The following TMPRSS9 variants were observed in gnomAD, a reference collection of about 807,000 sequenced individuals.
TMPRSS9 encodes the protein transmembrane serine protease 9.
TMPRSS9 carries 113 observed loss-of-function variants against 111.4 expected under a neutral mutation model. The observed-to-expected ratio is 1.01, with a 90% CI of 0.87 to 1.19. The LOEUF is 1.19. TMPRSS9 is among the 50% of genes most tolerant of loss of function. The pLI is 0.00. For synonymous variants in TMPRSS9, 805 were observed against 659.1 expected (o/e 1.22, Z -3.39); for missense variants, 1,803 against 1,513.1 (o/e 1.19, Z -3.18).
At chr19:2,379,626 T>TC (rs1970367659) in intron 1 of TMPRSS9, among the ~76,000 whole-genome samples, 1 of 139,856 alleles carries the variant, frequency 7.2e-6, no homozygotes, top group African/African-American at 2.8e-5. Flanking sequence ...TCTTTCTTTC[T>TC]TTCTTTCTTT....
At chr19:2,422,574 CAAAAAA>C (rs1325693722) in intron 14 of TMPRSS9, among the ~76,000 whole-genome samples, 3 of 151,398 alleles carry the variant, frequency 2.0e-5, no homozygotes, top group Non-Finnish European at 4.4e-5. Context: ...AACTCCGTCT[CAAAAAA>C]GAAAAAGACA....
chr19:2,393,484 T>G (rs1390136499), intron 1 of TMPRSS9, among the ~76,000 whole-genome samples: 1 of 152,090 alleles, frequency 6.6e-6, no homozygotes, highest in Non-Finnish European at 1.5e-5. Context: ...CACACCATCT[T>G]TAAGAAATGT....
chr19:2,405,481 C>T (rs1199320968), exon 7 of TMPRSS9: 1 of 1,608,088 alleles, frequency 6.2e-7, no homozygotes, highest in Non-Finnish European at 8.5e-7. Flanking sequence ...GAACAAGGAG[C>T]ACTTCTGTGG....
chr19:2,417,863 A>T, intron 12 of TMPRSS9, 139 bp from the exon 14 acceptor site: 1 of 1,215,368 alleles, frequency 8.2e-7, no homozygotes, highest in Non-Finnish European at 1.2e-6. Context: ...TGGCTTTGTG[A>T]GATTCCTGCA....
chr19:2,415,015 G>A (rs1459800897), intron 10 of TMPRSS9, among the ~76,000 whole-genome samples: 5 of 139,662 alleles, frequency 3.6e-5, no homozygotes, highest in Non-Finnish European at 7.7e-5. Flanking sequence ...GTGTGATCTC[G>A]GCTCACTGCA....
chr19:2,421,598 A>C (rs1416077711), intron 13 of TMPRSS9, among the ~76,000 whole-genome samples: 3 of 151,964 alleles, frequency 2.0e-5, no homozygotes, highest in African/African-American at 7.3e-5. Flanking sequence ...TATTGTTATT[A>C]TTTTTAGAGT....
rs1390896980 is a variant in TMPRSS9, at chr19:2,368,793, TTTTTTTTTA to T, written c.-26+8434_-26+8442del. ...AACCCAGTTTTTTTTTTTTTTTTTT[TTTTTTTTTA>T]AAGACAGAGTCTCACTCTGTCGCCC... On this transcript the variant is annotated intron_variant, in intron 1 of 17. Transcript: ENST00000649857. Among the ~76,000 whole-genome samples, 106 of 120,328 alleles carry T rather than the reference TTTTTTTTTA, an allele frequency of 8.8e-4. 8 individuals are homozygous for T. Among genetic ancestry groups the T allele is most frequent in the Admixed American group, 4.8e-3 (58 of 12,072 alleles). 78.9% of individuals were successfully genotyped at this position (120,328 alleles called of 152,430 possible).
At position 2,425,736 on chromosome 19, in the gene TMPRSS9, C is replaced by G. The variant is rs539787147; in HGVS notation, c.3121-191C>G. 5 of 1,134,262 alleles carry G rather than the reference C, an allele frequency of 4.4e-6. No homozygotes were observed. The South Asian group carries it at 8.7e-5, about 20-fold the overall frequency. The allele number at this position is 1,134,262 out of a possible 1,614,324, so 70.3% of individuals were successfully genotyped here. On this transcript the variant is annotated intron_variant, in intron 17 of 17. Coordinates refer to ENST00000648592, the Ensembl canonical transcript of TMPRSS9. The stretch of plus-strand genomic sequence containing the variant: ...AGGCAGAGGCTGCAGTGGGAGGCAC[C>G]GTTCCACTCCGGGACCACGTGGCGG...
chr19:2,424,108 C>T (rs760014442), exon 15 of TMPRSS9: 43 of 1,326,946 alleles, frequency 3.2e-5, no homozygotes, highest in African/African-American at 4.6e-5. Flanking sequence ...TGGCGCCGGC[C>T]GCGCTCACCA....
intron 17 of TMPRSS9, 112 bp downstream of exon 18, chr19:2,425,605 C>T (rs977111014): frequency 7.2e-7 from 1 of 1,379,554 alleles, no homozygotes; most frequent in African/African-American, 1.5e-5. Flanking sequence ...GCAGGCTTCT[C>T]CAGCGGATCA....
intron 1 of TMPRSS9, among the ~76,000 whole-genome samples, chr19:2,379,622 T>TTTCC (rs1555676538): frequency 1.6e-5 from 2 of 128,754 alleles, no homozygotes; most frequent in Non-Finnish European, 3.3e-5. Flanking sequence ...TTTCTCTTTC[T>TTTCC]TTCTTTCTTT....
chr19:2,421,349 T>C (rs952383298), intron 13 of TMPRSS9, among the ~76,000 whole-genome samples: 19 of 151,268 alleles, frequency 1.3e-4, no homozygotes, highest in African/African-American at 4.4e-4. Context: ...AGTGCAGTGG[T>C]GCGATCTCAG....
chr19:2,390,240 T>G (rs1235853373), intron 1 of TMPRSS9, among the ~76,000 whole-genome samples: 3 of 131,224 alleles, frequency 2.3e-5, no homozygotes, highest in East Asian at 4.0e-4. Flanking sequence ...AGTTTTTTTT[T>G]TTGTTTTTTT....
chr19:2,408,729 C>A, intron 8 of TMPRSS9, 99 bp downstream of exon 9: 2 of 1,478,202 alleles, frequency 1.4e-6, no homozygotes, highest in Non-Finnish European at 1.8e-6. Context: ...GTCATCCCAG[C>A]ACTTTGGGAG....
At chr19:2,396,939 G>C (rs1402282504) in intron 2 of TMPRSS9, among the ~76,000 whole-genome samples, 1 of 145,990 alleles carries the variant, frequency 6.8e-6, no homozygotes, top group South Asian at 2.2e-4. Flanking sequence ...TTTTTTTCTT[G>C]AGACGGAGTC....
At chr19:2,368,704 T>C (rs1306514055) in intron 1 of TMPRSS9, among the ~76,000 whole-genome samples, 2 of 150,906 alleles carry the variant, frequency 1.3e-5, no homozygotes, top group African/African-American at 2.4e-5. Context: ...AGAGCTACCC[T>C]GCAGACGGTC....
intron 1 of TMPRSS9, among the ~76,000 whole-genome samples, chr19:2,393,913 A>AT (rs1970653342): frequency 6.9e-6 from 1 of 144,028 alleles, no homozygotes; most frequent in Admixed American, 7.3e-5. Flanking sequence ...AAAAAAAAAA[A>AT]AAAAAAAAGC....
At chr19:2,380,115 T>A (rs1478864633) in intron 1 of TMPRSS9, among the ~76,000 whole-genome samples, 1 of 152,020 alleles carries the variant, frequency 6.6e-6, no homozygotes, top group Admixed American at 6.6e-5. Flanking sequence ...TGGACCTTGC[T>A]GGTGTTGTAT....
intron 8 of TMPRSS9, among the ~76,000 whole-genome samples, chr19:2,408,990 A>AAATAATAATAAT (rs71178274): frequency 0.056 from 6,986 of 124,778 alleles, 255 homozygotes; most frequent in African/African-American, 0.097. Context: ...CTCCATCTCA[A>AAATAATAATAAT]AATAATAATA....
Sources: gnomAD v4.1 joint callset for allele counts (sites outside exome capture counted in the v4.1 genomes callset) on GRCh38, gnomAD v4.1.1 for gene constraint, MANE v1.5 for transcripts, NCBI Gene and HGNC (gene_info 2026-07-23, HGNC 2026-07-21) for gene names.